Variants in PIK3R5 observed in about 807,000 individuals in gnomAD.
PIK3R5 encodes phosphoinositide-3-kinase regulatory subunit 5.
PIK3R5 carries 32 observed loss-of-function variants against 94.9 expected under a neutral mutation model. That is an observed-to-expected ratio of 0.34 (90% CI 0.25 to 0.45). The LOEUF (loss-of-function observed/expected upper bound fraction) is 0.45. Among genes scored for constraint, PIK3R5 ranks in the 20% least tolerant of loss-of-function variants. The pLI is 1.00. For synonymous variants in PIK3R5, 443 were observed against 479.4 expected (o/e 0.92, Z 0.99); for missense variants, 853 against 1,144.6 (o/e 0.75, Z 3.68).
At chr17:8,957,845 T>C (rs2091489536) in intron 1 of PIK3R5, among the ~76,000 whole-genome samples, 1 of 152,160 alleles carries the variant, frequency 6.6e-6, no homozygotes, top group South Asian at 2.1e-4. Context: ...ACCTCAAGAC[T>C]GGAGCCGTTC....
chr17:8,933,316 T>C (rs1375695626), intron 1 of PIK3R5, among the ~76,000 whole-genome samples: 2 of 152,142 alleles, frequency 1.3e-5, no homozygotes, highest in Non-Finnish European at 2.9e-5. Context: ...ACTATAAAAA[T>C]AATCAAAGGG....
Position 8,904,686 on chromosome 17 carries a change from TA to T in PIK3R5, c.412+90del. The T allele has an allele frequency of 7.6e-7, 1 of 1,308,952 alleles. No individual in the cohort carries two copies. The highest frequency in any genetic ancestry group is 1.1e-6 in the Non-Finnish European group (1 of 924,592). 81.1% of individuals were successfully genotyped at this position (1,308,952 alleles called of 1,614,324 possible). ...CAGAGATGAATCAAAGGATGCAAGG[TA>T]AGGAGGGTCACAAAAAACAGTTTCA... On this transcript the variant is annotated intron_variant, in intron 5 of 18. Coordinates refer to ENST00000447110, the MANE Select transcript of PIK3R5 (RefSeq NM_001142633.3). This position sits in a 1 kb window ranked among gnomAD's most constrained non-coding sequence, Gnocchi z 5.1.
At chr17:8,902,695 A>G (rs1205892012) in intron 5 of PIK3R5, among the ~76,000 whole-genome samples, 1 of 152,072 alleles carries the variant, frequency 6.6e-6, no homozygotes, top group Non-Finnish European at 1.5e-5. Context: ...CCTGGGGAAT[A>G]TGTTTGGCAG....
At chr17:8,916,526 G>A (rs1329898262) in intron 1 of PIK3R5, 1 of 149,264 alleles carries the variant, frequency 6.7e-6, no homozygotes, top group Non-Finnish European at 1.5e-5. Context: ...GTGGTGAGGT[G>A]GTGTTGAAAT....
At chr17:8,894,865 A>G (rs539823815) in intron 5 of PIK3R5, among the ~76,000 whole-genome samples, 4 of 149,584 alleles carry the variant, frequency 2.7e-5, no homozygotes, top group Admixed American at 2.6e-4. Context: ...TCAGAAGTGC[A>G]AGTCTCGGGG....
At chr17:8,951,849 G>A (rs1282507279) in intron 1 of PIK3R5, among the ~76,000 whole-genome samples, 1 of 152,184 alleles carries the variant, frequency 6.6e-6, no homozygotes, top group African/African-American at 2.4e-5. Context: ...CTTCTATGGG[G>A]ATATAACTTT....
In PIK3R5 at chr17:8,886,554, G is replaced by T; in HGVS notation, c.1957C>A (p.Pro653Thr). 3 of 1,612,330 alleles carry T rather than the reference G, an allele frequency of 1.9e-6. No homozygotes were observed. Among genetic ancestry groups the T allele is most frequent in the Non-Finnish European group, 2.5e-6 (3 of 1,179,152 alleles). Residue 653 changes from proline (P) to threonine (T), a missense_variant, in exon 13 of 19, where the codon CCC (proline) becomes ACC (threonine). Transcript: ENST00000447110. ...QALEGSPTQL[P>T]ILADMLLYYC... Reference sequence around the variant, plus strand: ...TAGAGTAGCATGTCAGCCAGGATGGGCAGCTGGGTTGGGGAGCCCTCCAGG... The same window carrying T: ...TAGAGTAGCATGTCAGCCAGGATGGTCAGCTGGGTTGGGGAGCCCTCCAGG...
rs61761136 is a variant in PIK3R5 at position 8,881,046 on chromosome 17, A to G, written c.2383-29T>C. ...GAAGGAAGGCCCAGGTCAGCCCCAA[A>G]TCCCTGGCCATCCAACACTGCCAGC... On this transcript the variant is annotated intron_variant, in intron 17 of 18. Coordinates refer to ENST00000447110, the MANE Select transcript of PIK3R5 (RefSeq NM_001142633.3). This position sits in a 1 kb window ranked among gnomAD's most constrained non-coding sequence, Gnocchi z 4.8. 2.8e-3 allele frequency: 4,267 copies of G among 1,513,740 alleles called. 106 individuals carry two copies. In the African/African-American group the frequency reaches 0.047, roughly 17 times the overall value. The allele number at this position is 1,513,740 out of a possible 1,614,324, so 93.8% of individuals were successfully genotyped here.
rs573184300 is a variant in PIK3R5 at position 8,893,228 on chromosome 17, C to T, written c.482+358G>A. On this transcript the variant is annotated intron_variant, in intron 6 of 18. Transcript: ENST00000447110. This position sits in a 1 kb window ranked among gnomAD's most constrained non-coding sequence, Gnocchi z 5.1. ...AATAAGCCTGAGGGTTAAATTCTGGCTCGTACCCTTGCTCGCTGTGTGACC... is the reference window on the plus strand; with the variant it reads ...AATAAGCCTGAGGGTTAAATTCTGGTTCGTACCCTTGCTCGCTGTGTGACC... 2.6e-5 allele frequency among the ~76,000 whole-genome samples: 4 copies of T among 152,244 alleles called. No homozygotes were observed. In the East Asian group the frequency reaches 7.7e-4, roughly 29 times the overall value.
At position 8,889,271 on chromosome 17, in the gene PIK3R5, A is replaced by T. The variant is rs771528569; in HGVS notation, c.812-49T>A. 4 of 1,408,984 alleles carry T rather than the reference A, an allele frequency of 2.8e-6. No individual in the cohort carries two copies. Among genetic ancestry groups the T allele is most frequent in the Non-Finnish European group, 4.0e-6 (4 of 1,005,386 alleles). The allele number at this position is 1,408,984 out of a possible 1,614,324, so 87.3% of individuals were successfully genotyped here. On this transcript the variant is annotated intron_variant, in intron 8 of 18. Transcript: ENST00000447110. The surrounding 1 kb of genome is among the most constrained non-coding windows in gnomAD (Gnocchi z 4.1). The stretch of plus-strand genomic sequence containing the variant: ...GAAGAGGGCTGGGAAGAGGCCTTGG[A>T]GATTGGCCAGTCCAGTCCCCTTGCC...
rs1430435267 is a variant in PIK3R5, at chr17:8,904,787, G to T, written c.402C>A (p.Leu134=). Reference sequence around the variant, plus strand: ...TGCCTCAGTGCTTACCTGGGGCCTTGAGTTCAGCATCAATGAAGGTGAGCA... The same window carrying T: ...TGCCTCAGTGCTTACCTGGGGCCTTTAGTTCAGCATCAATGAAGGTGAGCA... ...QELLTFIDAE[L]KAPGISYQRL... Residue 134 remains leucine, a synonymous_variant, in exon 5 of 19, where the codon CTC becomes CTA. Transcript: ENST00000447110. This position sits in a 1 kb window ranked among gnomAD's most constrained non-coding sequence, Gnocchi z 5.1. 2.5e-6 allele frequency: 4 copies of T among 1,614,142 alleles called. No individual in the cohort carries two copies. The highest frequency in any genetic ancestry group is 3.4e-6 in the Non-Finnish European group (4 of 1,180,016).
rs984247821 is a variant in PIK3R5, at chr17:8,886,459, G to C, written c.2034+18C>G. 2 of 1,596,590 alleles carry C rather than the reference G, an allele frequency of 1.3e-6. No individual in the cohort carries two copies. Among genetic ancestry groups the C allele is most frequent in the African/African-American group, 1.3e-5 (1 of 74,630 alleles). ...CCGGCAGGTGGGGAAGAGGCGGTTC[G>C]GGGCAGGGAGGCCTTACCTCGGTCT... On this transcript the variant is annotated intron_variant, in intron 13 of 18. Coordinates refer to ENST00000447110, the MANE Select transcript of PIK3R5 (RefSeq NM_001142633.3).
chr17:8,913,162 G>A (rs1340348640), intron 1 of PIK3R5, among the ~76,000 whole-genome samples: 1 of 152,212 alleles, frequency 6.6e-6, no homozygotes, highest in Non-Finnish European at 1.5e-5. Flanking sequence ...CCCCTCCAGG[G>A]TGTTGGGGGG....
Position 8,889,119 on chromosome 17 carries a change from C to CT in PIK3R5, c.895+19_895+20insA, listed in dbSNP as rs2089959347. 2 of 1,609,150 alleles carry CT rather than the reference C, an allele frequency of 1.2e-6. No homozygotes were observed. Among genetic ancestry groups the CT allele is most frequent in the South Asian group, 2.2e-5 (2 of 90,554 alleles). ...CAGGCAGTGTGGGGCATGGGTGTCA[C>CT]CAGGGCCCCGGCTCCTTACCAAAGC... On this transcript the variant is annotated intron_variant, in intron 9 of 18. Coordinates refer to ENST00000447110, the MANE Select transcript of PIK3R5 (RefSeq NM_001142633.3). The surrounding 1 kb of genome is among the most constrained non-coding windows in gnomAD (Gnocchi z 4.1).
intron 1 of PIK3R5, among the ~76,000 whole-genome samples, chr17:8,936,647 T>G (rs1442673896): frequency 1.3e-5 from 2 of 152,246 alleles, no homozygotes; most frequent in Non-Finnish European, 2.9e-5. Flanking sequence ...TGCACCTTTA[T>G]AGTAAGTCTT....
At chr17:8,938,453 T>C (rs996718520) in intron 1 of PIK3R5, among the ~76,000 whole-genome samples, 1 of 152,246 alleles carries the variant, frequency 6.6e-6, no homozygotes, top group African/African-American at 2.4e-5. Flanking sequence ...ACTCACTAAG[T>C]ATGTAACCAT....
intron 11 of PIK3R5, 28 bp from the exon 12 acceptor site, chr17:8,887,249 C>T (rs1567634735): frequency 6.2e-7 from 1 of 1,612,278 alleles, no homozygotes; most frequent in Non-Finnish European, 8.5e-7. Context: ...AGTCATCATC[C>T]CAGCTCCCCA....
intron 1 of PIK3R5, among the ~76,000 whole-genome samples, chr17:8,931,785 G>C (rs545620872): frequency 5.3e-5 from 8 of 152,286 alleles, no homozygotes; most frequent in African/African-American, 1.7e-4. Flanking sequence ...ACAGTGCTGG[G>C]AGACATTGGA....
At chr17:8,933,781 T>C (rs1256901150) in intron 1 of PIK3R5, among the ~76,000 whole-genome samples, 3 of 152,184 alleles carry the variant, frequency 2.0e-5, no homozygotes, top group Non-Finnish European at 2.9e-5. Context: ...AAAGTTGTTG[T>C]ACTGAAAGTC....
Sources: gnomAD v4.1 joint callset for allele counts (sites outside exome capture counted in the v4.1 genomes callset) on GRCh38, gnomAD v4.1.1 for gene constraint, Gnocchi (gnomAD v3.1) non-coding constraint, MANE v1.5 for transcripts, NCBI Gene and HGNC (gene_info 2026-07-23, HGNC 2026-07-21) for gene names.